SLC36A2: variants seen among roughly 807,000 people sequenced by gnomAD.
SLC36A2 encodes solute carrier family 36 member 2.
Under a neutral mutation model 42.7 loss-of-function variants are expected in SLC36A2, and 39 were observed. The observed-to-expected ratio is 0.91, with a 90% confidence interval of 0.71 to 1.19. The LOEUF (loss-of-function observed/expected upper bound fraction) is 1.19, where lower values mean the gene tolerates loss of function less well. Ranked by LOEUF, SLC36A2 falls within the 50% of genes most tolerant of loss-of-function variation. The probability of loss-of-function intolerance (pLI) is 0.00; values close to 1 mark genes in which losing one functional copy is unlikely to be tolerated. For synonymous variants in SLC36A2, 237 were observed against 240.8 expected (o/e 0.98, Z 0.15); for missense variants, 590 against 613.7 (o/e 0.96, Z 0.41).
chr5:151,346,538 G>C (rs754734921), intron 1 of SLC36A2, among the ~76,000 whole-genome samples: 11 of 152,168 alleles, frequency 7.2e-5, no homozygotes, highest in Admixed American at 1.3e-4. Flanking sequence ...CTGATTCTCT[G>C]TCCAGTGCTC....
intron 4 of SLC36A2, among the ~76,000 whole-genome samples, chr5:151,340,200 AGGAGAGGAGGAGGAG>A (rs1561660934): frequency 0.042 from 5,045 of 119,324 alleles, 409 homozygotes; most frequent in African/African-American, 0.14. Flanking sequence ...GTGGAGGAGG[AGGAGAGGAGGAGGAG>A]GGAGAGGAGG....
chr5:151,335,492 AT>A lies in SLC36A2; in HGVS notation c.580del (p.Ile194PhefsTer2). The A allele has an allele frequency of 1.2e-6, 2 of 1,614,130 alleles. No homozygotes were observed. Among genetic ancestry groups the A allele is most frequent in the Non-Finnish European group, 1.7e-6 (2 of 1,180,008 alleles). On this transcript the variant is annotated frameshift_variant, in exon 6 of 10. Coordinates refer to ENST00000335244, the MANE Select transcript of SLC36A2 (RefSeq NM_181776.3). LOFTEE classifies it high-confidence loss of function. ...TNNCYSNETV[I>X]LTPTMDSRLY... ...TCGCGAGTCCATGGTGGGGGTCAGA[AT>A]CACCGTCTCATTGGAATAGCAGTTG...
chr5:151,324,819 T>C (rs1435557258), intron 8 of SLC36A2, among the ~76,000 whole-genome samples: 1 of 152,200 alleles, frequency 6.6e-6, no homozygotes, highest in Non-Finnish European at 1.5e-5. Flanking sequence ...GAAATTTTTT[T>C]TGTAGAAGTG....
chr5:151,344,167 C>T lies in SLC36A2; in HGVS notation c.255+10G>A. On this transcript the variant is annotated intron_variant, in intron 2 of 9. Coordinates refer to ENST00000335244, the MANE Select transcript of SLC36A2 (RefSeq NM_181776.3). ...GACCATAAAGCCCCCACATGTGGCG[C>T]CTCTCTTACCAGGATGCCCGCGTTC... The T allele has an allele frequency of 6.2e-7, 1 of 1,613,274 alleles. No individual in the cohort carries two copies. The highest frequency in any genetic ancestry group is 8.5e-7 in the Non-Finnish European group (1 of 1,179,500).
intron 4 of SLC36A2, among the ~76,000 whole-genome samples, chr5:151,339,606 G>A (rs1025323609): frequency 1.3e-5 from 2 of 152,274 alleles, no homozygotes; most frequent in East Asian, 1.9e-4. Flanking sequence ...CACCATGCCC[G>A]GCCAACAATA....
chr5:151,330,224 G>A (rs566162527), intron 7 of SLC36A2, among the ~76,000 whole-genome samples: 11 of 152,216 alleles, frequency 7.2e-5, no homozygotes, highest in African/African-American at 1.7e-4. Flanking sequence ...AAGAAATCTC[G>A]TAGAGGGCAA....
In SLC36A2 at chr5:151,316,939, C is replaced by T. The variant is rs758684875; in HGVS notation, c.1330G>A (p.Asp444Asn). Residue 444 changes from aspartate (D) to asparagine (N), a missense_variant, in exon 10 of 10, where the codon GAC (aspartate) becomes AAC (asparagine). Coordinates refer to ENST00000335244, the MANE Select transcript of SLC36A2 (RefSeq NM_181776.3). The part of the protein sequence containing the change: ...EGMSPLTIFK[D>N]ALISILGFVG... ...AAGCCCAGGATGCTGATCAGGGCGT[C>T]CTTGAAGATGGTGAGGGGGCTCATG... 6.2e-7 allele frequency: 1 copy of T among 1,613,972 alleles called. No individual in the cohort carries two copies. Among genetic ancestry groups the T allele is most frequent in the Admixed American group, 1.7e-5 (1 of 59,992 alleles).
intron 5 of SLC36A2, among the ~76,000 whole-genome samples, chr5:151,336,576 A>G (rs1214869771): frequency 6.6e-6 from 1 of 151,888 alleles, no homozygotes; most frequent in Non-Finnish European, 1.5e-5. Flanking sequence ...TTAAGTAAGA[A>G]AACTCTTTCT....
chr5:151,339,538 G>A lies in SLC36A2; in HGVS notation c.441-394C>T, dbSNP rs1414824639. ...TTGGTCAGGCTGATCTCGATCTCCC[G>A]ACCTCAGGTGATCCGCCTGCCTTGG... On this transcript the variant is annotated intron_variant, in intron 4 of 9. Transcript: ENST00000335244. 5.3e-5 allele frequency among the ~76,000 whole-genome samples: 8 copies of A among 152,078 alleles called. No homozygotes were observed. In the South Asian group the frequency reaches 8.3e-4, roughly 16 times the overall value.
Position 151,316,498 on chromosome 5 carries a change from T to C in SLC36A2, c.*319A>G. 3.2e-6 allele frequency: 1 copy of C among 310,098 alleles called. No homozygotes were observed. Among genetic ancestry groups the C allele is most frequent in the East Asian group, 8.3e-5 (1 of 12,032 alleles). 19.2% of individuals were successfully genotyped at this position (310,098 alleles called of 1,614,324 possible). On this transcript the variant is annotated 3_prime_UTR_variant, in exon 10 of 10. Coordinates refer to ENST00000335244, the MANE Select transcript of SLC36A2 (RefSeq NM_181776.3). ...GCTCACGCCTGTGATCCCAGCATTT[T>C]GGGAGGCCGGGGTGGGTGGATCACC...
chr5:151,344,459 T>G (rs1190835084), intron 1 of SLC36A2, among the ~76,000 whole-genome samples, 192 bp from the exon 2 acceptor site: 2 of 152,184 alleles, frequency 1.3e-5, no homozygotes, highest in South Asian at 2.1e-4. Context: ...CTGTCCTGGT[T>G]TTAGCAGCTA....
intron 2 of SLC36A2, 91 bp from the exon 3 acceptor site, chr5:151,343,689 A>G: frequency 2.5e-6 from 3 of 1,180,798 alleles, no homozygotes; most frequent in South Asian, 2.5e-5. Context: ...TGCTGATATC[A>G]TGCAGAACTC....
chr5:151,345,291 T>C (rs1356444888), intron 1 of SLC36A2, among the ~76,000 whole-genome samples: 2 of 152,192 alleles, frequency 1.3e-5, no homozygotes, highest in Admixed American at 1.3e-4. Context: ...AGAGGTACTC[T>C]GAAAGGAGCC....
At chr5:151,345,557 AAG>A (rs1756467774) in intron 1 of SLC36A2, among the ~76,000 whole-genome samples, 1 of 152,164 alleles carries the variant, frequency 6.6e-6, no homozygotes, top group South Asian at 2.1e-4. Flanking sequence ...TCGAGGGAGA[AAG>A]GGGGTGGAGA....
chr5:151,347,432 G>A lies in SLC36A2; in HGVS notation c.29C>T (p.Pro10Leu), dbSNP rs928420771. The change falls in exon 1 of 10, where the codon CCC becomes CTC. Residue 10 changes from proline (P) to leucine (L), a missense_variant. Physicochemically the swap from Pro to Leu is moderately conservative, Grantham distance 98. Transcript: ENST00000335244. MSVTKSTEG[P>L]QGAVAIKLDL... ...CAATTTGATGGCAACGGCTCCCTGGGGACCCTCAGTACTTTTTGTCACAGA... is the reference window on the plus strand; with the variant it reads ...CAATTTGATGGCAACGGCTCCCTGGAGACCCTCAGTACTTTTTGTCACAGA... The A allele has an allele frequency of 6.2e-7, 1 of 1,614,142 alleles. No homozygotes were observed. The highest frequency in any genetic ancestry group is 8.5e-7 in the Non-Finnish European group (1 of 1,180,048).
intron 6 of SLC36A2, among the ~76,000 whole-genome samples, chr5:151,334,767 A>T (rs954326247): frequency 6.6e-6 from 1 of 152,166 alleles, no homozygotes; most frequent in Admixed American, 6.6e-5. Context: ...ACAGAAAATC[A>T]ATGTCCATAA....
chr5:151,338,087 T>C (rs953992479), intron 5 of SLC36A2, among the ~76,000 whole-genome samples: 1 of 152,168 alleles, frequency 6.6e-6, no homozygotes, highest in Admixed American at 6.5e-5. Flanking sequence ...AATAAGGTCA[T>C]GGAGATAATT....
chr5:151,333,099 C>A (rs755673913), intron 7 of SLC36A2, 125 bp downstream of exon 7: 75 of 861,050 alleles, frequency 8.7e-5, no homozygotes, highest in Middle Eastern at 7.1e-4. Flanking sequence ...TACTTTCTCC[C>A]ATGGGCATTT....
chr5:151,341,202 ATCT>A (rs1429745520), intron 4 of SLC36A2, among the ~76,000 whole-genome samples: 2 of 152,152 alleles, frequency 1.3e-5, no homozygotes, highest in Non-Finnish European at 1.5e-5. Flanking sequence ...GAGCAGGGAA[ATCT>A]TCTTTATATG....
Sources: allele counts gnomAD v4.1 joint callset (sites outside exome capture counted in the v4.1 genomes callset), GRCh38; gene constraint gnomAD v4.1.1; transcripts MANE v1.5; gene names NCBI Gene and HGNC (gene_info 2026-07-23, HGNC 2026-07-21).